Variants in PCDH7 observed in about 807,000 individuals in gnomAD.
The protein encoded by PCDH7 is protocadherin-7.
In PCDH7, 17 loss-of-function variants were observed where a neutral mutation model predicts 58.9. The ratio of observed to expected loss-of-function variants is 0.29; its 90% confidence interval spans 0.20 to 0.43. PCDH7 has a LOEUF of 0.43. PCDH7 is among the 20% of genes least tolerant of loss of function. PCDH7 has a pLI of 1.00. For missense variants in PCDH7, 1,274 were observed against 1,441.0 expected (o/e 0.88, Z 1.88); for synonymous variants, 664 against 616.4 (o/e 1.08, Z -1.14).
chr4:30,987,800 AAAC>A (rs1363240957), intron 3 of PCDH7: 2 of 151,930 alleles, frequency 1.3e-5, no homozygotes, highest in Non-Finnish European at 2.9e-5. Context: ...TTGGAATATG[AAAC>A]AACGAAATAA....
chr4:31,130,886 T>C (rs1286528159), intron 3 of PCDH7, among the ~76,000 whole-genome samples: 1 of 152,186 alleles, frequency 6.6e-6, no homozygotes, highest in Non-Finnish European at 1.5e-5. Context: ...ATAATCTCCC[T>C]ATGTTAAGGT....
At chr4:31,018,332 C>A (rs1032699128) in intron 3 of PCDH7, among the ~76,000 whole-genome samples, 29 of 152,112 alleles carry the variant, frequency 1.9e-4, no homozygotes, top group African/African-American at 7.0e-4. Context: ...GATGTTTGAA[C>A]CTAGTCAAAT....
intron 3 of PCDH7, among the ~76,000 whole-genome samples, chr4:30,953,036 A>C (rs577400212): frequency 1.7e-4 from 26 of 152,304 alleles, no homozygotes; most frequent in Non-Finnish European, 2.6e-4. Flanking sequence ...TTGCTGAATT[A>C]GTCATGAAAT....
In PCDH7 at chr4:30,729,667, T is replaced by C. The variant is rs147084395; in HGVS notation, c.3175-1086T>C. Among the ~76,000 whole-genome samples, 778 of 152,196 alleles carry C rather than the reference T, an allele frequency of 5.1e-3. 6 individuals carry two copies. The highest frequency in any genetic ancestry group is 0.018 in the African/African-American group (737 of 41,562). ...GTATGAAACTTTTTATGCATTCTAA[T>C]TGTGATAATCTTTTACCTTTTTCAT... On this transcript the variant is annotated intron_variant, in intron 1 of 1. Transcript: ENST00000361762.
At chr4:30,761,216 C>A (rs924540594) in intron 1 of PCDH7, among the ~76,000 whole-genome samples, 4 of 152,160 alleles carry the variant, frequency 2.6e-5, no homozygotes, top group African/African-American at 9.6e-5. Context: ...TTCTTACCTG[C>A]AAAAGATTCA....
At chr4:30,997,372 T>C (rs1162943898) in intron 3 of PCDH7, among the ~76,000 whole-genome samples, 1 of 152,170 alleles carries the variant, frequency 6.6e-6, no homozygotes, top group Admixed American at 6.5e-5. Context: ...GATGTTATTT[T>C]TGTTAGAATT....
rs148587935 is a variant in PCDH7 at position 30,847,633 on chromosome 4, T to A, written c.71-72520T>A. ...TAGATAGTTTAGTGAAACTTTTTTT[T>A]AAAAAAGAATGATAGAAATTTTTAG... On this transcript the variant is annotated intron_variant, in intron 1 of 3. Transcript: ENST00000509759. Among the ~76,000 whole-genome samples the A allele has an allele frequency of 8.1e-3, 1,239 of 152,270 alleles. 14 individuals carry two copies. The highest frequency in any genetic ancestry group is 0.028 in the African/African-American group (1,152 of 41,564).
chr4:30,737,648 G>T (rs1424612368), downstream of PCDH7, among the ~76,000 whole-genome samples: 2 of 152,184 alleles, frequency 1.3e-5, no homozygotes, highest in Admixed American at 6.5e-5. Context: ...AGATCAAGGT[G>T]CATCAACCGA....
chr4:31,099,349 T>C (rs914016646), intron 3 of PCDH7, among the ~76,000 whole-genome samples: 6 of 152,134 alleles, frequency 3.9e-5, no homozygotes, highest in Non-Finnish European at 5.9e-5. Context: ...GGGATCTGCC[T>C]AAAGGTGTTT....
At chr4:30,943,118 T>C (rs908477876) in intron 2 of PCDH7, among the ~76,000 whole-genome samples, 1 of 152,004 alleles carries the variant, frequency 6.6e-6, no homozygotes, top group East Asian at 1.9e-4. Context: ...TATTATCATA[T>C]TTCTATTTTT....
chr4:31,100,019 G>A (rs1170537557), intron 3 of PCDH7, among the ~76,000 whole-genome samples: 2 of 152,068 alleles, frequency 1.3e-5, no homozygotes, highest in African/African-American at 4.8e-5. Context: ...AAAAGAGAGG[G>A]AGGGAGGAAA....
At chr4:30,880,773 T>A (rs1454754364) in intron 1 of PCDH7, among the ~76,000 whole-genome samples, 1 of 152,044 alleles carries the variant, frequency 6.6e-6, no homozygotes, top group Non-Finnish European at 1.5e-5. Context: ...GTAACACAGA[T>A]AAGAACAAGG....
chr4:30,861,205 G>A (rs1428031421), intron 1 of PCDH7, among the ~76,000 whole-genome samples: 1 of 152,128 alleles, frequency 6.6e-6, no homozygotes, highest in Non-Finnish European at 1.5e-5. Context: ...TGCCTCCAAC[G>A]ATTCAACATC....
At chr4:30,995,040 A>G (rs1751763002) in intron 3 of PCDH7, among the ~76,000 whole-genome samples, 1 of 152,222 alleles carries the variant, frequency 6.6e-6, no homozygotes, top group African/African-American at 2.4e-5. Context: ...TTGACACAAT[A>G]TTTGGATATA....
rs549047054 is a variant in PCDH7 at position 30,948,115 on chromosome 4, T to G, written c.288-2005T>G. ...TCTTAATAAATTATCAGTGTTTTTC[T>G]GTGTTTTCTGTGTATATATTTACTT... On this transcript the variant is annotated intron_variant, in intron 2 of 3. Coordinates refer to the PCDH7 transcript ENST00000509759. Among the ~76,000 whole-genome samples, 17 of 152,200 alleles carry G rather than the reference T, an allele frequency of 1.1e-4. No individual in the cohort carries two copies. In the East Asian group the frequency reaches 3.3e-3, roughly 29 times the overall value.
In PCDH7 at chr4:31,024,268, T is replaced by C. The variant is rs186894460; in HGVS notation, c.*7+74053T>C. 1.3e-3 allele frequency among the ~76,000 whole-genome samples: 198 copies of C among 152,304 alleles called. 1 individual carries two copies. The highest frequency in any genetic ancestry group is 4.7e-3 in the African/African-American group (197 of 41,568). On this transcript the variant is annotated intron_variant, in intron 3 of 3. Coordinates refer to the PCDH7 transcript ENST00000509759. ...TACGTGAAAAAACCTTCAGGGTAGA[T>C]ATTATTCATATTTTACTTTCCTTTT...
At chr4:30,989,146 GT>G (rs35819946) in intron 3 of PCDH7, among the ~76,000 whole-genome samples, 11 of 149,824 alleles carry the variant, frequency 7.3e-5, no homozygotes, top group South Asian at 2.1e-4. Flanking sequence ...TCAAATCACA[GT>G]TTTTTTTTTC....
intron 3 of PCDH7, among the ~76,000 whole-genome samples, chr4:31,096,025 G>A (rs10005350): frequency 0.18 from 26,959 of 152,006 alleles, 4,502 homozygotes; most frequent in African/African-American, 0.44. Flanking sequence ...GCAAATAGCT[G>A]CTGTATTAAC....
At position 31,013,592 on chromosome 4, in the gene PCDH7, T is replaced by TACACACAC. The variant is rs138674335; in HGVS notation, c.*7+63397_*7+63404dup. ...AGAGTATGTCCATATATATATTTTATACACACACACACACACACACACACA... is the reference window on the plus strand; with the variant it reads ...AGAGTATGTCCATATATATATTTTATACACACACACACACACACACACACACACACACA... On this transcript the variant is annotated intron_variant, in intron 3 of 3. Coordinates refer to the PCDH7 transcript ENST00000509759. 3.8e-3 allele frequency among the ~76,000 whole-genome samples: 560 copies of TACACACAC among 146,428 alleles called. 3 individuals carry two copies. Among genetic ancestry groups the TACACACAC allele is most frequent in the African/African-American group, 0.011 (425 of 39,596 alleles).
Sources: allele counts gnomAD v4.1 joint callset (sites outside exome capture counted in the v4.1 genomes callset), GRCh38; gene constraint gnomAD v4.1.1; transcripts MANE v1.5; gene names NCBI Gene and HGNC (gene_info 2026-07-23, HGNC 2026-07-21).